RALGPS1: variants seen among roughly 807,000 people sequenced by gnomAD.
RALGPS1 encodes the protein ras-specific guanine nucleotide-releasing factor RalGPS1.
RALGPS1 carries 19 observed loss-of-function variants against 78.8 expected under a neutral mutation model. The observed-to-expected ratio is 0.24, with a 90% CI of 0.17 to 0.35. The LOEUF is 0.35. Among genes scored for constraint, RALGPS1 ranks in the 10% least tolerant of loss-of-function variants. The pLI, the probability that RALGPS1 is intolerant of heterozygous loss-of-function variation, is 1.00. For missense variants in RALGPS1, 454 were observed against 688.3 expected (o/e 0.66, Z 3.81); for synonymous variants, 228 against 256.3 (o/e 0.89, Z 1.06).
At chr9:127,024,130 G>C (rs2045751418) in intron 4 of RALGPS1, among the ~76,000 whole-genome samples, 1 of 151,002 alleles carries the variant, frequency 6.6e-6, no homozygotes, top group South Asian at 2.1e-4. Flanking sequence ...TTATAAGTAG[G>C]TTATGACTTT....
intron 8 of RALGPS1, among the ~76,000 whole-genome samples, chr9:127,125,018 T>C (rs1402964737): frequency 6.6e-6 from 1 of 152,046 alleles, no homozygotes; most frequent in Non-Finnish European, 1.5e-5. Context: ...CTGGTGGCAT[T>C]GGGCAGTCAA....
chr9:126,995,746 C>G (rs2042685890), intron 4 of RALGPS1, among the ~76,000 whole-genome samples: 1 of 152,166 alleles, frequency 6.6e-6, no homozygotes, highest in Non-Finnish European at 1.5e-5. Context: ...CAGCACCACA[C>G]CACACCTACT....
chr9:126,935,704 A>G (rs949710701), intron 1 of RALGPS1, among the ~76,000 whole-genome samples: 2 of 152,230 alleles, frequency 1.3e-5, no homozygotes, highest in African/African-American at 2.4e-5. Flanking sequence ...GGAGGATGCT[A>G]GAAACAACCA....
intron 1 of RALGPS1, among the ~76,000 whole-genome samples, chr9:126,952,477 A>G (rs955488371): frequency 6.6e-6 from 1 of 152,070 alleles, no homozygotes; most frequent in Non-Finnish European, 1.5e-5. Flanking sequence ...GAGTTTGGAG[A>G]GGGTCAGGAG....
intron 11 of RALGPS1, among the ~76,000 whole-genome samples, chr9:127,191,079 TG>T (rs1384277606): frequency 6.6e-6 from 1 of 152,228 alleles, no homozygotes; most frequent in Non-Finnish European, 1.5e-5. Flanking sequence ...TCTCTCTGTG[TG>T]GTTTGTCCTT....
At chr9:127,059,402 G>A (rs907736679) in intron 7 of RALGPS1, among the ~76,000 whole-genome samples, 2 of 152,172 alleles carry the variant, frequency 1.3e-5, no homozygotes, top group African/African-American at 4.8e-5. Flanking sequence ...CTGCTTCTCA[G>A]AAGATCTCAG....
chr9:127,161,063 T>C (rs1223637874), intron 8 of RALGPS1, among the ~76,000 whole-genome samples: 1 of 152,256 alleles, frequency 6.6e-6, no homozygotes. Flanking sequence ...ACTGTCCATC[T>C]TCATAAGGCC....
At chr9:127,153,465 G>C (rs1450856238) in intron 8 of RALGPS1, among the ~76,000 whole-genome samples, 1 of 149,216 alleles carries the variant, frequency 6.7e-6, no homozygotes, top group Non-Finnish European at 1.5e-5. Flanking sequence ...CTTCTGCCAG[G>C]CTGCATGCCT....
chr9:127,042,024 T>C (rs1484331865), intron 5 of RALGPS1, among the ~76,000 whole-genome samples: 1 of 152,228 alleles, frequency 6.6e-6, no homozygotes, highest in Non-Finnish European at 1.5e-5. Context: ...AAGAAAACTG[T>C]GAATGGACTT....
intron 1 of RALGPS1, among the ~76,000 whole-genome samples, chr9:126,937,468 T>C (rs928606009): frequency 2.0e-5 from 3 of 152,180 alleles, no homozygotes; most frequent in African/African-American, 7.2e-5. Context: ...TAGGACTAGA[T>C]TTGGTTGCCT....
At chr9:126,937,620 T>C (rs938913288) in intron 1 of RALGPS1, among the ~76,000 whole-genome samples, 18 of 152,324 alleles carry the variant, frequency 1.2e-4, no homozygotes, top group African/African-American at 4.3e-4. Context: ...CCATAGCAGA[T>C]TGCCTCCTGA....
At chr9:127,196,956 C>A (rs2061380876) in intron 13 of RALGPS1, among the ~76,000 whole-genome samples, 2 of 152,188 alleles carry the variant, frequency 1.3e-5, no homozygotes, top group Admixed American at 1.3e-4. Flanking sequence ...CCAGACTGGA[C>A]CACAGTCAGG....
At chr9:127,030,625 C>T (rs1345952465) in intron 4 of RALGPS1, among the ~76,000 whole-genome samples, 3 of 151,752 alleles carry the variant, frequency 2.0e-5, no homozygotes, top group African/African-American at 7.3e-5. Context: ...GGGACAGGGT[C>T]TGGGAGAGGT....
At chr9:127,129,247 T>C (rs1398114602) in intron 8 of RALGPS1, among the ~76,000 whole-genome samples, 1 of 152,204 alleles carries the variant, frequency 6.6e-6, no homozygotes, top group Non-Finnish European at 1.5e-5. Context: ...AGAGTAGAGA[T>C]TTAATTTTCA....
At chr9:127,069,129 A>G (rs1009931235) in intron 7 of RALGPS1, 101 bp from the exon 8 acceptor site, 5 of 1,176,754 alleles carry the variant, frequency 4.2e-6, no homozygotes, top group African/African-American at 3.1e-5. Context: ...CACACCATAG[A>G]TATGTCACTT....
At chr9:126,916,807 G>A (rs943524097) in intron 1 of RALGPS1, among the ~76,000 whole-genome samples, 1 of 151,920 alleles carries the variant, frequency 6.6e-6, no homozygotes, top group Non-Finnish European at 1.5e-5. Context: ...ATCCCCAAAA[G>A]AAGACCCCCA....
chr9:127,174,816 C>A, intron 11 of RALGPS1, 34 bp downstream of exon 11: 1 of 1,593,966 alleles, frequency 6.3e-7, no homozygotes, highest in Non-Finnish European at 8.6e-7. Flanking sequence ...AGCAAACCCA[C>A]TTAATAGCCT....
At chr9:127,020,445 A>G (rs1589054162) in intron 4 of RALGPS1, among the ~76,000 whole-genome samples, 1 of 152,238 alleles carries the variant, frequency 6.6e-6, no homozygotes, top group Admixed American at 6.5e-5. Flanking sequence ...TGCAATGGGA[A>G]AAGTGAGCAA....
intron 4 of RALGPS1, chr9:126,990,012 C>A: frequency 6.5e-7 from 1 of 1,549,734 alleles, no homozygotes; most frequent in Non-Finnish European, 8.7e-7. Context: ...GACCCTCTGG[C>A]CTTTTGTCTG....
Sources: gnomAD v4.1 joint callset for allele counts (sites outside exome capture counted in the v4.1 genomes callset) on GRCh38, gnomAD v4.1.1 for gene constraint, MANE v1.5 for transcripts, NCBI Gene and HGNC (gene_info 2026-07-23, HGNC 2026-07-21) for gene names.